Variants in RNF13 observed in about 807,000 individuals in gnomAD.
The protein encoded by RNF13 is ring finger protein 13.
Under a neutral mutation model 37.7 loss-of-function variants are expected in RNF13, and 19 were observed. The observed-to-expected ratio is 0.50, with a 90% confidence interval of 0.35 to 0.74. The LOEUF (loss-of-function observed/expected upper bound fraction) is 0.74. Among genes scored for constraint, RNF13 ranks in the 30% least tolerant of loss-of-function variants. RNF13 has a pLI of 0.01. For missense variants in RNF13, 375 were observed against 453.0 expected (o/e 0.83, Z 1.56); for synonymous variants, 144 against 157.8 (o/e 0.91, Z 0.65).
intron 8 of RNF13, among the ~76,000 whole-genome samples, chr3:149,941,119 C>T (rs989440981): frequency 5.9e-5 from 9 of 151,980 alleles, no homozygotes; most frequent in African/African-American, 2.2e-4. Context: ...GGATTGTTTC[C>T]ACTCTACCCC....
At chr3:149,841,006 G>T (rs934240550) in intron 1 of RNF13, among the ~76,000 whole-genome samples, 1 of 152,186 alleles carries the variant, frequency 6.6e-6, no homozygotes, top group Admixed American at 6.5e-5. Flanking sequence ...CTCCAGCTTC[G>T]CTCAAGCATC....
At chr3:149,833,024 A>G (rs1721218924) in intron 1 of RNF13, among the ~76,000 whole-genome samples, 1 of 152,074 alleles carries the variant, frequency 6.6e-6, no homozygotes, top group Non-Finnish European at 1.5e-5. Flanking sequence ...AACTTATTCT[A>G]AGGGGCCAAA....
chr3:149,887,264 T>C (rs943530250), intron 4 of RNF13, among the ~76,000 whole-genome samples: 1 of 152,156 alleles, frequency 6.6e-6, no homozygotes, highest in African/African-American at 2.4e-5. Context: ...AATGCCCCAA[T>C]TTCAATAATG....
intron 5 of RNF13, among the ~76,000 whole-genome samples, chr3:149,900,619 G>A (rs1469378608): frequency 4.6e-5 from 7 of 151,938 alleles, no homozygotes; most frequent in African/African-American, 1.7e-4. Flanking sequence ...TGATGAGGTA[G>A]ATCTGTATTT....
intron 8 of RNF13, among the ~76,000 whole-genome samples, chr3:149,932,464 T>G (rs922799295): frequency 1.3e-5 from 2 of 152,224 alleles, no homozygotes; most frequent in African/African-American, 2.4e-5. Flanking sequence ...GACACATTTC[T>G]TTCCACCTAT....
chr3:149,849,846 T>G (rs1436509518), intron 2 of RNF13, among the ~76,000 whole-genome samples: 1 of 152,196 alleles, frequency 6.6e-6, no homozygotes, highest in Non-Finnish European at 1.5e-5. Context: ...TAAATTCAAT[T>G]AAACCTTTTG....
At chr3:149,823,189 G>A (rs1410637443) in intron 1 of RNF13, among the ~76,000 whole-genome samples, 1 of 152,042 alleles carries the variant, frequency 6.6e-6, no homozygotes, top group Admixed American at 6.5e-5. Flanking sequence ...TGCTTGCTGT[G>A]TGTTAGGCAC....
At chr3:149,832,751 C>T (rs1258458212) in intron 1 of RNF13, among the ~76,000 whole-genome samples, 1 of 152,134 alleles carries the variant, frequency 6.6e-6, no homozygotes, top group African/African-American at 2.4e-5. Context: ...GTACTATAAA[C>T]AATTTTATGC....
chr3:149,937,994 C>A (rs1302241204), intron 8 of RNF13, among the ~76,000 whole-genome samples: 1 of 151,914 alleles, frequency 6.6e-6, no homozygotes, highest in Non-Finnish European at 1.5e-5. Context: ...GATTTTCTGC[C>A]TGCTGGATCT....
chr3:149,855,517 A>T (rs1429817571), intron 3 of RNF13, among the ~76,000 whole-genome samples: 1 of 150,768 alleles, frequency 6.6e-6, no homozygotes, highest in East Asian at 1.9e-4. Context: ...ACATTTATGC[A>T]TTAAAAAATA....
At chr3:149,852,454 C>T in intron 2 of RNF13, 62 bp from the exon 3 acceptor site, 1 of 653,920 alleles carries the variant, frequency 1.5e-6, no homozygotes. Context: ...TTAAATAAGT[C>T]TTTGTTTTTA....
chr3:149,947,407 CTT>C (rs869289029), intron 8 of RNF13, among the ~76,000 whole-genome samples: 42 of 139,900 alleles, frequency 3.0e-4, no homozygotes, highest in Non-Finnish European at 3.1e-4. Flanking sequence ...TCTTTCAGTT[CTT>C]TTTTTTTTTT....
At chr3:149,929,316 C>T (rs1243339447) in intron 8 of RNF13, among the ~76,000 whole-genome samples, 1 of 152,166 alleles carries the variant, frequency 6.6e-6, no homozygotes, top group Non-Finnish European at 1.5e-5. Flanking sequence ...ATAAAACCAT[C>T]AGATCTCGTG....
At chr3:149,849,835 C>G (rs889597802) in intron 2 of RNF13, among the ~76,000 whole-genome samples, 2 of 152,048 alleles carry the variant, frequency 1.3e-5, no homozygotes, top group African/African-American at 4.8e-5. Context: ...TTATTACTTT[C>G]TAAATTCAAT....
At chr3:149,880,707 T>C (rs1448411155) in intron 4 of RNF13, among the ~76,000 whole-genome samples, 1 of 152,192 alleles carries the variant, frequency 6.6e-6, no homozygotes, top group Admixed American at 6.5e-5. Context: ...AGCTACAGTA[T>C]TAAGCTTCAT....
intron 1 of RNF13, chr3:149,817,374 C>T (rs55873357): frequency 6.6e-6 from 1 of 152,014 alleles, no homozygotes; most frequent in African/African-American, 2.4e-5. Flanking sequence ...CCCATTTATT[C>T]AAAAAATAGC....
In RNF13 at chr3:149,870,528, T is replaced by C. The variant is rs1576796276; in HGVS notation, c.196-1501T>C. Among the ~76,000 whole-genome samples, 2 of 151,864 alleles carry C rather than the reference T, an allele frequency of 1.3e-5. 1 individual carries two copies. Among genetic ancestry groups the C allele is most frequent in the African/African-American group, 4.8e-5 (2 of 41,416 alleles). On this transcript the variant is annotated intron_variant, in intron 3 of 9. Coordinates refer to ENST00000392894, the MANE Select transcript of RNF13 (RefSeq NM_183381.3). Reference sequence around the variant, plus strand: ...TGGAAGCCAACCTATATGGCTTGAGTTTAATTGCTGTAATAATCATGTTGA... The same window carrying C: ...TGGAAGCCAACCTATATGGCTTGAGCTTAATTGCTGTAATAATCATGTTGA...
chr3:149,936,801 C>A (rs778413482), intron 8 of RNF13, among the ~76,000 whole-genome samples: 4 of 152,066 alleles, frequency 2.6e-5, no homozygotes, highest in Non-Finnish European at 5.9e-5. Flanking sequence ...TTTATGTCTT[C>A]ATATTGATTT....
chr3:149,950,857 G>C (rs913165634), intron 8 of RNF13, among the ~76,000 whole-genome samples: 1 of 152,064 alleles, frequency 6.6e-6, no homozygotes, highest in Admixed American at 6.6e-5. Context: ...GAATTAGGTG[G>C]GACAAGATGG....
Sources: gnomAD v4.1 joint callset for allele counts (sites outside exome capture counted in the v4.1 genomes callset) on GRCh38, gnomAD v4.1.1 for gene constraint, MANE v1.5 for transcripts, NCBI Gene and HGNC (gene_info 2026-07-23, HGNC 2026-07-21) for gene names.